Variants in RASIP1 observed in about 807,000 individuals in gnomAD.
The protein encoded by RASIP1 is Ras interacting protein 1.
A neutral mutation model predicts 85.3 loss-of-function variants in RASIP1; 20 were observed. The observed-to-expected ratio is 0.23, with a 90% CI of 0.17 to 0.34. RASIP1 has a LOEUF of 0.34. Ranked by LOEUF, RASIP1 falls within the 10% of genes least tolerant of loss-of-function variation. The pLI is 1.00. For missense variants in RASIP1, 1,170 were observed against 1,390.9 expected, an observed-to-expected ratio of 0.84 and a Z score of 2.53; for synonymous variants, 617 against 647.1, an observed-to-expected ratio of 0.95 and a Z score of 0.71.
chr19:48,724,311 G>A lies in RASIP1; in HGVS notation c.2544+26C>T, dbSNP rs1255177185. ...GGGGTTGAGGAGTCAGAGGTCAGGG[G>A]TCAGGTATAGCTGACCAGGAGTCAC... On this transcript the variant is annotated intron_variant, in intron 10 of 11. Transcript: ENST00000222145. The surrounding 1 kb of genome is among the most constrained non-coding windows in gnomAD (Gnocchi z 4.6). 18 of 1,604,266 alleles carry A rather than the reference G, an allele frequency of 1.1e-5. No individual in the cohort carries two copies. Among genetic ancestry groups the A allele is most frequent in the Non-Finnish European group, 1.5e-5 (18 of 1,173,012 alleles).
At position 48,738,762 on chromosome 19, in the gene RASIP1, C is replaced by T; in HGVS notation, c.823+198G>A. ...ACAAGCCCCACCCAACTCTCAGGCCCGCCCATCTGGCCGCCCCCGGCCCTG... is the reference window on the plus strand; with the variant it reads ...ACAAGCCCCACCCAACTCTCAGGCCTGCCCATCTGGCCGCCCCCGGCCCTG... On this transcript the variant is annotated intron_variant, in intron 3 of 11. Coordinates refer to ENST00000222145, the MANE Select transcript of RASIP1 (RefSeq NM_017805.3). The surrounding 1 kb of genome is among the most constrained non-coding windows in gnomAD (Gnocchi z 4.0). 2 of 615,088 alleles carry T rather than the reference C, an allele frequency of 3.3e-6. No homozygotes were observed. The highest frequency in any genetic ancestry group is 4.5e-6 in the Non-Finnish European group (2 of 441,244). The allele number at this position is 615,088 out of a possible 1,614,324, so 38.1% of individuals were successfully genotyped here.
chr19:48,736,257 T>C (rs1042657559), intron 3 of RASIP1, among the ~76,000 whole-genome samples: 1 of 151,582 alleles, frequency 6.6e-6, no homozygotes, highest in Non-Finnish European at 1.5e-5. Flanking sequence ...CTACTAAAAA[T>C]ACAAAAAATG....
chr19:48,731,122 A>G (rs895811663), intron 4 of RASIP1, among the ~76,000 whole-genome samples: 1 of 152,036 alleles, frequency 6.6e-6, no homozygotes, highest in African/African-American at 2.4e-5. Flanking sequence ...TAAAAATACA[A>G]AATTAGCCAG....
intron 10 of RASIP1, among the ~76,000 whole-genome samples, chr19:48,722,642 A>C (rs1309580215): frequency 6.6e-6 from 1 of 152,050 alleles, no homozygotes; most frequent in Non-Finnish European, 1.5e-5. Context: ...CAATGTCTAC[A>C]CCTGATGTAG....
At chr19:48,727,485 G>T (rs2033362225) in intron 5 of RASIP1, 55 bp from the exon 6 acceptor site, 1 of 1,548,312 alleles carries the variant, frequency 6.5e-7, no homozygotes, top group East Asian at 2.2e-5. Context: ...AGGGGCTTAA[G>T]AGTTAATACC....
intron 4 of RASIP1, among the ~76,000 whole-genome samples, chr19:48,734,971 T>C (rs925808944): frequency 1.3e-5 from 2 of 152,228 alleles, no homozygotes; most frequent in African/African-American, 4.8e-5. Context: ...CCTCCAACTT[T>C]GAATAAAGTG....
intron 3 of RASIP1, chr19:48,737,876 G>C: frequency 1.0e-6 from 1 of 982,470 alleles, no homozygotes; most frequent in Non-Finnish European, 1.2e-6. Context: ...AACATTGTCC[G>C]TGCTTACTCT....
At position 48,724,719 on chromosome 19, in the gene RASIP1, C is replaced by G; in HGVS notation, c.2369G>C (p.Arg790Pro). 6.2e-7 allele frequency: 1 copy of G among 1,614,130 alleles called. No individual in the cohort carries two copies. Among genetic ancestry groups the G allele is most frequent in the Non-Finnish European group, 8.5e-7 (1 of 1,179,994 alleles). Residue 790 changes from arginine (R) to proline (P), a missense_variant and splice_region_variant, in exon 9 of 12, where the codon CGA (arginine) becomes CCA (proline). By Grantham distance (103) the Arg-to-Pro change is moderately radical. Coordinates refer to ENST00000222145, the MANE Select transcript of RASIP1 (RefSeq NM_017805.3). The surrounding 1 kb of genome is among the most constrained non-coding windows in gnomAD (Gnocchi z 4.6). ...GACAGCTCCCAGCCAACCTTCACCT[C>G]GTTCCATCAGCGAGTTGAGAAGGGA... ...NASLLNSLME[R>P]GQGRPFYQWS... is the part of the protein sequence containing the mutation.
Position 48,728,944 on chromosome 19 carries a change from G to A in RASIP1, c.1826C>T (p.Ala609Val). The change falls in exon 5 of 12, where the codon GCC (alanine) becomes GTC (valine). Residue 609 changes from alanine (A) to valine (V), a missense_variant. By Grantham distance (64) the Ala-to-Val change is moderately conservative. Around this residue, in one of 4 missense-constraint regions of RASIP1, gnomAD observed 426 missense variants for 576.2 expected, o/e 0.74. Transcript: ENST00000222145. ...LGRLARLIKE[A>V]VWEKIKEIGD... ...CGATTGGGGGGCGCTCACCCAGACG[G>A]CCTCCTTGATGAGCCGGGCCAGGCG... 1 of 1,449,112 alleles carries A rather than the reference G, an allele frequency of 6.9e-7. No individual in the cohort carries two copies. The highest frequency in any genetic ancestry group is 1.5e-5 in the African/African-American group (1 of 66,724). 89.8% of individuals were successfully genotyped at this position (1,449,112 alleles called of 1,614,324 possible).
intron 4 of RASIP1, among the ~76,000 whole-genome samples, chr19:48,730,712 A>T (rs1402865056): frequency 6.6e-6 from 1 of 152,114 alleles, no homozygotes; most frequent in East Asian, 1.9e-4. Context: ...TTCCTCAAGC[A>T]ATGAATGGGT....
chr19:48,730,323 G>A (rs555788355), intron 4 of RASIP1, among the ~76,000 whole-genome samples: 24 of 151,860 alleles, frequency 1.6e-4, no homozygotes, highest in African/African-American at 5.8e-4. Context: ...GCACCATCAC[G>A]CCCAGCTAAT....
At chr19:48,730,622 T>A (rs2033438658) in intron 4 of RASIP1, among the ~76,000 whole-genome samples, 1 of 152,204 alleles carries the variant, frequency 6.6e-6, no homozygotes, top group African/African-American at 2.4e-5. Flanking sequence ...TGGTCCCACC[T>A]GTCCATTATT....
chr19:48,733,820 G>T (rs1254667522), intron 4 of RASIP1, among the ~76,000 whole-genome samples: 1 of 148,728 alleles, frequency 6.7e-6, no homozygotes, highest in Non-Finnish European at 1.5e-5. Flanking sequence ...AAAAAAAAGT[G>T]TGGGGGGGAG....
chr19:48,737,332 AG>A, intron 3 of RASIP1: 1 of 367,226 alleles, frequency 2.7e-6, no homozygotes, highest in South Asian at 1.1e-4. Context: ...ATCTCCCAAA[AG>A]GAAGCTCAGA....
In RASIP1 at chr19:48,721,895, G is replaced by A. The variant is rs1160465696; in HGVS notation, c.2651C>T (p.Ala884Val). 6 of 1,606,690 alleles carry A rather than the reference G, an allele frequency of 3.7e-6. No individual in the cohort carries two copies. Among genetic ancestry groups the A allele is most frequent in the Admixed American group, 1.7e-5 (1 of 58,976 alleles). ...CCGCTCTGCAGGGGGAGGGTCCCAC[G>A]CGGCTGGCGGCCCGCGGCCAGGGCC... The part of the protein sequence containing the change: ...QLGPGRGPPA[A>V]WDPPPAEREA... The change falls in exon 11 of 12, where the codon GCG becomes GTG. Residue 884 changes from alanine (A) to valine (V), a missense_variant. By Grantham distance (64) the Ala-to-Val change is moderately conservative (BLOSUM62 0). Transcript: ENST00000222145.
At chr19:48,727,263 G>A (rs1003576554) in intron 6 of RASIP1, 105 bp from the exon 7 acceptor site, 22 of 1,547,558 alleles carry the variant, frequency 1.4e-5, no homozygotes, top group African/African-American at 2.7e-5. Context: ...CTCCCATTGC[G>A]CAGCTGGAAA....
chr19:48,731,717 C>T (rs553729141), intron 4 of RASIP1, among the ~76,000 whole-genome samples: 1 of 152,348 alleles, frequency 6.6e-6, no homozygotes, highest in Non-Finnish European at 1.5e-5. Flanking sequence ...ATTACCCCTA[C>T]CCCATGAATG....
rs911758612 is a variant in RASIP1 at position 48,738,710 on chromosome 19, G to C, written c.823+250C>G. On this transcript the variant is annotated intron_variant, in intron 3 of 11. Transcript: ENST00000222145. This position sits in a 1 kb window ranked among gnomAD's most constrained non-coding sequence, Gnocchi z 4.0. Reference sequence around the variant, plus strand: ...CCCGTCCCGCCTAAGCCCCAAGCTTGGCCCCTGTAAAACTCCTGCTCAATC... The same window carrying C: ...CCCGTCCCGCCTAAGCCCCAAGCTTCGCCCCTGTAAAACTCCTGCTCAATC... 40 of 356,694 alleles carry C rather than the reference G, an allele frequency of 1.1e-4. No homozygotes were observed. Among genetic ancestry groups the C allele is most frequent in the Non-Finnish European group, 1.3e-4 (27 of 213,754 alleles). 22.1% of individuals were successfully genotyped at this position (356,694 alleles called of 1,614,324 possible). A position where few individuals can be genotyped will look rare whatever the true frequency, so the allele number is the denominator to read the frequency against.
At chr19:48,725,105 C>G (rs2033319828) in intron 8 of RASIP1, 145 bp from the exon 9 acceptor site, 1 of 933,996 alleles carries the variant, frequency 1.1e-6, no homozygotes, top group Non-Finnish European at 1.6e-6. Context: ...CAAAGGGTCT[C>G]CGTGAGCAAA....
Sources: allele counts gnomAD v4.1 joint callset (sites outside exome capture counted in the v4.1 genomes callset), GRCh38; gene constraint gnomAD v4.1.1; regional missense constraint gnomAD v4.1.1; non-coding constraint Gnocchi (gnomAD v3.1); transcripts MANE v1.5; gene names NCBI Gene and HGNC (gene_info 2026-07-23, HGNC 2026-07-21).